Variants in R3HDM1 observed in about 807,000 individuals in gnomAD.
The protein encoded by R3HDM1 is R3H domain-containing protein 1.
R3HDM1 carries 46 observed loss-of-function variants against 141.1 expected under a neutral mutation model. The observed-to-expected ratio is 0.33, with a 90% confidence interval of 0.26 to 0.42. R3HDM1 has a LOEUF of 0.42. R3HDM1 is among the 10% of genes least tolerant of loss of function. The pLI, the probability that R3HDM1 is intolerant of heterozygous loss-of-function variation, is 1.00. For synonymous variants in R3HDM1, 435 were observed against 472.9 expected (o/e 0.92, Z 1.04); for missense variants, 1,184 against 1,368.3 (o/e 0.87, Z 2.12).
chr2:135,689,131 GGT>G (rs1265779729), intron 21 of R3HDM1, among the ~76,000 whole-genome samples: 1 of 152,110 alleles, frequency 6.6e-6, no homozygotes, highest in Non-Finnish European at 1.5e-5. Flanking sequence ...ATGCCCTCCA[GGT>G]GATTCTAGTG....
At chr2:135,610,021 G>A (rs1445185059) in intron 3 of R3HDM1, among the ~76,000 whole-genome samples, 1 of 151,974 alleles carries the variant, frequency 6.6e-6, no homozygotes, top group Non-Finnish European at 1.5e-5. Flanking sequence ...TCCAGCCTGG[G>A]TGACAGAGTG....
chr2:135,629,054 C>T (rs529876673), intron 7 of R3HDM1, among the ~76,000 whole-genome samples: 3 of 152,198 alleles, frequency 2.0e-5, no homozygotes, highest in East Asian at 1.9e-4. Context: ...CAGTGGCTCA[C>T]GCCTGTAATC....
At chr2:135,571,321 A>T (rs76986729) in intron 1 of R3HDM1, among the ~76,000 whole-genome samples, 17 of 149,524 alleles carry the variant, frequency 1.1e-4, no homozygotes, top group African/African-American at 3.0e-4. Context: ...TTTTTTTTTA[A>T]TTATTCATTT....
At chr2:135,614,098 T>C (rs75966466) in intron 3 of R3HDM1, among the ~76,000 whole-genome samples, 1,573 of 152,338 alleles carry the variant, frequency 0.01, 25 homozygotes, top group African/African-American at 0.036. Flanking sequence ...GCACAGTACC[T>C]GGTGTACAGC....
chr2:135,633,160 T>A (rs75936851), intron 9 of R3HDM1, among the ~76,000 whole-genome samples: 7,977 of 152,324 alleles, frequency 0.052, 292 homozygotes, highest in Middle Eastern at 0.2. Context: ...TGATTTAGTT[T>A]TCATTAAAAT....
At chr2:135,715,404 C>A in intron 23 of R3HDM1, 146 bp from the exon 24 acceptor site, 3 of 865,280 alleles carry the variant, frequency 3.5e-6, no homozygotes, top group Non-Finnish European at 5.0e-6. Context: ...CCATCTGTTA[C>A]CAGTGTTTAT....
intron 18 of R3HDM1, among the ~76,000 whole-genome samples, chr2:135,655,199 T>C (rs1574750719): frequency 6.6e-6 from 1 of 152,202 alleles, no homozygotes; most frequent in Non-Finnish European, 1.5e-5. Flanking sequence ...TTTTGAATAT[T>C]GGCGTGAGGC....
intron 1 of R3HDM1, among the ~76,000 whole-genome samples, chr2:135,547,767 CTTTTTT>C (rs56950620): frequency 1.3e-4 from 14 of 107,374 alleles, no homozygotes; most frequent in Non-Finnish European, 2.3e-4. Flanking sequence ...TTTTTCTTTT[CTTTTTT>C]TTTTTTTTTT....
intron 1 of R3HDM1, among the ~76,000 whole-genome samples, chr2:135,565,321 AAATT>A (rs1445803407): frequency 7.3e-6 from 1 of 136,076 alleles, no homozygotes; most frequent in African/African-American, 3.0e-5. Flanking sequence ...CAATGAAAAA[AAATT>A]ATTATTATTA....
chr2:135,620,698 A>T, intron 5 of R3HDM1: 10 of 939,466 alleles, frequency 1.1e-5, no homozygotes, highest in Non-Finnish European at 1.3e-5. Flanking sequence ...AGAATTTATT[A>T]TAGCTTTCTT....
At chr2:135,537,350 A>G (rs956546355) in intron 1 of R3HDM1, among the ~76,000 whole-genome samples, 8 of 138,388 alleles carry the variant, frequency 5.8e-5, no homozygotes, top group Admixed American at 3.8e-4. Context: ...CAGTGGCGCA[A>G]TCTCGGCCTA....
At chr2:135,656,297 G>A (rs564436288) in intron 18 of R3HDM1, among the ~76,000 whole-genome samples, 1 of 151,906 alleles carries the variant, frequency 6.6e-6, no homozygotes, top group African/African-American at 2.4e-5. Flanking sequence ...GTTATTAGTT[G>A]GGTTCTGCCT....
intron 3 of R3HDM1, among the ~76,000 whole-genome samples, chr2:135,607,009 A>C (rs922537590): frequency 5.3e-5 from 8 of 151,080 alleles, no homozygotes; most frequent in African/African-American, 1.9e-4. Context: ...TTTGTTTTTA[A>C]GACAGAGTCT....
chr2:135,703,960 C>G (rs1313244103), intron 21 of R3HDM1, among the ~76,000 whole-genome samples: 1 of 152,130 alleles, frequency 6.6e-6, no homozygotes, highest in Non-Finnish European at 1.5e-5. Context: ...ATCTGACCTG[C>G]AAATGAATTG....
rs562025489 is a variant in R3HDM1, at chr2:135,533,205, G to A, written c.-250+1572G>A. 2.0e-4 allele frequency among the ~76,000 whole-genome samples: 31 copies of A among 152,308 alleles called. No homozygotes were observed. In the East Asian group the frequency reaches 5.6e-3, roughly 27 times the overall value. On this transcript the variant is annotated intron_variant, in intron 1 of 26. Coordinates refer to ENST00000683871, the MANE Select transcript of R3HDM1 (RefSeq NM_001378107.1). The stretch of plus-strand genomic sequence containing the variant: ...CACCTGTAGTCCCTGCTACTCAGGA[G>A]TGTGAGGTGAGAGGATCACTTGAGC...
intron 11 of R3HDM1, among the ~76,000 whole-genome samples, chr2:135,637,050 T>C (rs148453003): frequency 2.5e-4 from 38 of 152,166 alleles, no homozygotes; most frequent in Admixed American, 1.9e-3. Flanking sequence ...AATGGCAGAG[T>C]TGGGATTTCA....
At chr2:135,613,423 A>C (rs942086460) in intron 3 of R3HDM1, among the ~76,000 whole-genome samples, 3 of 152,154 alleles carry the variant, frequency 2.0e-5, no homozygotes, top group African/African-American at 4.8e-5. Flanking sequence ...CTCCCACCAG[A>C]GAAATGTTTG....
chr2:135,654,036 A>C (rs1393310512), intron 18 of R3HDM1, among the ~76,000 whole-genome samples: 1 of 152,122 alleles, frequency 6.6e-6, no homozygotes, highest in African/African-American at 2.4e-5. Context: ...GTACATATTC[A>C]CAGTGTTGTA....
intron 3 of R3HDM1, chr2:135,605,432 CT>C (rs1047314032): frequency 3.8e-5 from 6 of 155,972 alleles, no homozygotes; most frequent in Admixed American, 6.4e-5. Context: ...CTCAACCTGA[CT>C]GACAAAAAAG....
Sources: gnomAD v4.1 joint callset for allele counts (sites outside exome capture counted in the v4.1 genomes callset) on GRCh38, gnomAD v4.1.1 for gene constraint, MANE v1.5 for transcripts, NCBI Gene and HGNC (gene_info 2026-07-23, HGNC 2026-07-21) for gene names.